PTBP3: variants seen among roughly 807,000 people sequenced by gnomAD.
The protein encoded by PTBP3 is polypyrimidine tract binding protein 3, also known as polypyrimidine tract-binding protein 3.
Under a neutral mutation model 58.7 loss-of-function variants are expected in PTBP3, and 20 were observed. That is an observed-to-expected ratio of 0.34 (90% CI 0.24 to 0.50). The LOEUF (loss-of-function observed/expected upper bound fraction) is 0.50. PTBP3 is among the 20% of genes least tolerant of loss of function. The pLI, the probability that PTBP3 is intolerant of heterozygous loss-of-function variation, is 0.98. For synonymous variants in PTBP3, 185 were observed against 219.8 expected (o/e 0.84, Z 1.40); for missense variants, 509 against 637.2 (o/e 0.80, Z 2.17).
chr9:112,284,429 C>A (rs1828014905), intron 2 of PTBP3, among the ~76,000 whole-genome samples: 1 of 152,178 alleles, frequency 6.6e-6, no homozygotes, highest in Non-Finnish European at 1.5e-5. Flanking sequence ...GACATGGTGG[C>A]TCACACCTAT....
the PTBP3 span, among the ~76,000 whole-genome samples, chr9:112,368,469 C>T: frequency 1.3e-5 from 2 of 152,148 alleles, no homozygotes; most frequent in Non-Finnish European, 2.9e-5. Flanking sequence ...CCGTGCCCAG[C>T]CCAGGTACCT....
At chr9:112,256,612 C>A (rs981334751) in intron 5 of PTBP3, among the ~76,000 whole-genome samples, 11 of 152,016 alleles carry the variant, frequency 7.2e-5, no homozygotes, top group Non-Finnish European at 4.4e-5. Context: ...TTCACTATAA[C>A]CTTGAACTCC....
At chr9:112,284,637 A>C (rs1421340629) in intron 2 of PTBP3, among the ~76,000 whole-genome samples, 1 of 152,230 alleles carries the variant, frequency 6.6e-6, no homozygotes, top group Admixed American at 6.5e-5. Flanking sequence ...CGTAGGCTGC[A>C]GTTTGCCAAG....
At chr9:112,309,461 T>C (rs534097118) in intron 1 of PTBP3, among the ~76,000 whole-genome samples, 2 of 152,268 alleles carry the variant, frequency 1.3e-5, no homozygotes, top group East Asian at 3.9e-4. Flanking sequence ...GTTTCATATA[T>C]AATCGATGTT....
intron 5 of PTBP3, among the ~76,000 whole-genome samples, chr9:112,255,338 A>G (rs1836300849): frequency 6.6e-6 from 1 of 152,228 alleles, no homozygotes; most frequent in Non-Finnish European, 1.5e-5. Context: ...TCACTGAACT[A>G]TACAATTAAA....
chr9:112,324,234 T>C (rs1830063357), intron 1 of PTBP3, among the ~76,000 whole-genome samples: 2 of 152,058 alleles, frequency 1.3e-5, no homozygotes, highest in South Asian at 4.1e-4. Flanking sequence ...TTCATGTCAA[T>C]GGACCTGCGA....
intron 3 of PTBP3, among the ~76,000 whole-genome samples, chr9:112,274,460 C>T (rs1374042509): frequency 6.6e-6 from 1 of 152,022 alleles, no homozygotes; most frequent in Non-Finnish European, 1.5e-5. Flanking sequence ...TTAGGACAGC[C>T]AAAAACTTGC....
At chr9:112,295,676 C>T (rs1264342228) in intron 2 of PTBP3, among the ~76,000 whole-genome samples, 1 of 146,076 alleles carries the variant, frequency 6.8e-6, no homozygotes, top group African/African-American at 2.5e-5. Context: ...TCCTAAGATA[C>T]ATTTTAAAAG....
intron 1 of PTBP3, among the ~76,000 whole-genome samples, chr9:112,328,571 A>C (rs1830244760): frequency 1.3e-5 from 2 of 152,222 alleles, no homozygotes; most frequent in African/African-American, 4.8e-5. Flanking sequence ...ACAGTGGCTC[A>C]TGCCTGCAAT....
chr9:112,304,009 A>G (rs1216999174), intron 1 of PTBP3, among the ~76,000 whole-genome samples: 2 of 151,342 alleles, frequency 1.3e-5, no homozygotes, highest in Non-Finnish European at 2.9e-5. Flanking sequence ...TCTGCTAAGA[A>G]TACAAAAATT....
chr9:112,266,173 G>C (rs1291897320), intron 4 of PTBP3, among the ~76,000 whole-genome samples: 1 of 152,144 alleles, frequency 6.6e-6, no homozygotes, highest in Non-Finnish European at 1.5e-5. Flanking sequence ...ATGGCATCTA[G>C]AGACTAAGTG....
chr9:112,354,674 G>C, the PTBP3 span, among the ~76,000 whole-genome samples: 1 of 152,128 alleles, frequency 6.6e-6, no homozygotes, highest in Non-Finnish European at 1.5e-5. Context: ...TAAATACATG[G>C]GGTATTTCCA....
chr9:112,227,542 T>A lies in PTBP3; in HGVS notation c.1233A>T (p.Arg411=). The A allele has an allele frequency of 6.2e-7, 1 of 1,613,992 alleles. No homozygotes were observed. The change falls in exon 12 of 14, where the codon CGA becomes CGT. Residue 411 remains arginine (R), a synonymous_variant. Transcript: ENST00000374257. ...TCAGACCTTGGTCTTCTTGTCCCTC[T>A]CGAGGAAGCTGTACTGCTTGATGTT... ...LSKHQAVQLP[R]EGQEDQGLTK...
chr9:112,292,874 T>C (rs939932400), intron 2 of PTBP3, among the ~76,000 whole-genome samples: 1 of 152,184 alleles, frequency 6.6e-6, no homozygotes, highest in African/African-American at 2.4e-5. Context: ...CTACACTGTA[T>C]ACTCAAAAAT....
At chr9:112,288,832 G>A (rs930565949) in intron 2 of PTBP3, among the ~76,000 whole-genome samples, 1 of 152,168 alleles carries the variant, frequency 6.6e-6, no homozygotes, top group Non-Finnish European at 1.5e-5. Flanking sequence ...TATCAAGTAC[G>A]GAGCTTAGTG....
rs1352259096 is a variant in PTBP3 at position 112,223,061 on chromosome 9, A to G, written c.*790T>C. The G allele has an allele frequency of 7.0e-6, 6 of 853,618 alleles. No homozygotes were observed. In the African/African-American group the frequency reaches 7.4e-5, roughly 10 times the overall value. 52.9% of individuals were successfully genotyped at this position (853,618 alleles called of 1,614,324 possible). ...TTTCCAAGATCATATTACTTGACAA[A>G]TAAGTGTCATTTTGAAATTTAAAAC... is the stretch of plus-strand genomic sequence containing the variant. On this transcript the variant is annotated 3_prime_UTR_variant, in exon 14 of 14. Transcript: ENST00000374257.
intron 1 of PTBP3, among the ~76,000 whole-genome samples, chr9:112,299,580 C>T (rs943879550): frequency 6.6e-6 from 1 of 152,168 alleles, no homozygotes; most frequent in Non-Finnish European, 1.5e-5. Context: ...GAGACTTTAA[C>T]AGCCATCTCA....
intron 2 of PTBP3, among the ~76,000 whole-genome samples, chr9:112,295,899 T>A (rs149294007): frequency 6.6e-6 from 1 of 152,316 alleles, no homozygotes; most frequent in East Asian, 1.9e-4. Context: ...GGAAGAAGGA[T>A]TCTTTGTTTT....
At chr9:112,293,944 T>G (rs1353189219) in intron 2 of PTBP3, among the ~76,000 whole-genome samples, 1 of 152,238 alleles carries the variant, frequency 6.6e-6, no homozygotes, top group Non-Finnish European at 1.5e-5. Flanking sequence ...AACTTAAATC[T>G]GTATTTTTAG....
Sources: allele counts gnomAD v4.1 joint callset (sites outside exome capture counted in the v4.1 genomes callset), GRCh38; gene constraint gnomAD v4.1.1; transcripts MANE v1.5; gene names NCBI Gene and HGNC (gene_info 2026-07-23, HGNC 2026-07-21).